The following RTN1 variants were observed in gnomAD, a reference collection of about 807,000 sequenced individuals.
The protein encoded by RTN1 is reticulon 1.
RTN1 carries 25 observed loss-of-function variants against 65.5 expected under a neutral mutation model. The ratio of observed to expected loss-of-function variants is 0.38; its 90% CI spans 0.28 to 0.53. RTN1 has a LOEUF of 0.53. Among genes scored for constraint, RTN1 ranks in the 20% least tolerant of loss-of-function variants. The pLI, the probability that RTN1 is intolerant of heterozygous loss-of-function variation, is 0.79. For missense variants in RTN1, 983 were observed against 1,025.4 expected (o/e 0.96, Z 0.57); for synonymous variants, 471 against 447.6 (o/e 1.05, Z -0.66).
chr14:59,603,940 A>G lies in RTN1; in HGVS notation c.2113-19T>C. Reference sequence around the variant, plus strand: ...CTGCAAACTGAAGAACGAAAGCATTATTAGAGCTCCTAAAACCCTTCCTGA... The same window carrying G: ...CTGCAAACTGAAGAACGAAAGCATTGTTAGAGCTCCTAAAACCCTTCCTGA... On this transcript the variant is annotated intron_variant, in intron 5 of 8. Coordinates refer to ENST00000267484, the MANE Select transcript of RTN1 (RefSeq NM_021136.3). 2 of 1,605,054 alleles carry G rather than the reference A, an allele frequency of 1.2e-6. No homozygotes were observed. Among genetic ancestry groups the G allele is most frequent in the East Asian group, 4.5e-5 (2 of 44,642 alleles).
intron 3 of RTN1, among the ~76,000 whole-genome samples, chr14:59,645,905 C>T (rs1882885756): frequency 6.6e-6 from 1 of 152,160 alleles, no homozygotes; most frequent in Non-Finnish European, 1.5e-5. Context: ...GTCAGATGAC[C>T]AGAGTGTCTT....
At chr14:59,673,743 C>T (rs969426785) in intron 3 of RTN1, among the ~76,000 whole-genome samples, 3 of 152,128 alleles carry the variant, frequency 2.0e-5, no homozygotes, top group African/African-American at 7.2e-5. Context: ...TCGCTCCAGT[C>T]GTGGACTCTA....
intron 2 of RTN1, among the ~76,000 whole-genome samples, chr14:59,743,157 C>T (rs1389303533): frequency 6.6e-6 from 1 of 152,198 alleles, no homozygotes; most frequent in African/African-American, 2.4e-5. Flanking sequence ...GGCAACCCAA[C>T]ATCGTAAAAC....
chr14:59,696,026 G>T (rs1402736626), intron 3 of RTN1, among the ~76,000 whole-genome samples: 2 of 151,584 alleles, frequency 1.3e-5, no homozygotes, highest in African/African-American at 2.4e-5. Flanking sequence ...ATGTTTTTAG[G>T]GCCCTCATTT....
intron 1 of RTN1, among the ~76,000 whole-genome samples, chr14:59,781,346 ATTGACTGTT>A (rs1332197730): frequency 2.6e-5 from 4 of 152,000 alleles, no homozygotes; most frequent in African/African-American, 9.7e-5. Flanking sequence ...AGTGTCAGTC[ATTGACTGTT>A]TATGTTCCAC....
chr14:59,835,686 G>C lies in RTN1; in HGVS notation c.241+34704C>G, dbSNP rs1248095310. On this transcript the variant is annotated intron_variant, in intron 1 of 8. Coordinates refer to ENST00000267484, the MANE Select transcript of RTN1 (RefSeq NM_021136.3). ...AATGAGACTTCTAACCATTGATTTT[G>C]GTTCTACCCCCTGAACCAACCAGAA... Among the ~76,000 whole-genome samples the C allele has an allele frequency of 3.9e-5, 6 of 151,968 alleles. No individual in the cohort carries two copies. In the East Asian group the frequency reaches 5.8e-4, roughly 15 times the overall value.
intron 1 of RTN1, among the ~76,000 whole-genome samples, chr14:59,814,891 A>G (rs567180617): frequency 3.9e-5 from 6 of 152,348 alleles, no homozygotes; most frequent in African/African-American, 1.2e-4. Flanking sequence ...ATTTTCTCAT[A>G]TATAATATTT....
chr14:59,654,800 T>C (rs1883090840), intron 3 of RTN1, among the ~76,000 whole-genome samples: 1 of 152,140 alleles, frequency 6.6e-6, no homozygotes, highest in Admixed American at 6.5e-5. Flanking sequence ...CTAAGAACAG[T>C]AGAAAACTTC....
At chr14:59,826,394 C>T (rs568040654) in intron 1 of RTN1, among the ~76,000 whole-genome samples, 208 of 152,322 alleles carry the variant, frequency 1.4e-3, no homozygotes, top group Non-Finnish European at 2.6e-3. Context: ...ACATTGTAAG[C>T]ACTCCATACC....
intron 1 of RTN1, among the ~76,000 whole-genome samples, chr14:59,841,872 A>AAT (rs1295255550): frequency 6.6e-6 from 1 of 152,184 alleles, no homozygotes; most frequent in Non-Finnish European, 1.5e-5. Context: ...TATGCCTATA[A>AAT]TCCCAGCATT....
At chr14:59,672,154 T>A (rs1883519257) in intron 3 of RTN1, among the ~76,000 whole-genome samples, 1 of 152,110 alleles carries the variant, frequency 6.6e-6, no homozygotes, top group Non-Finnish European at 1.5e-5. Flanking sequence ...CTTACTACTT[T>A]AGATGCCATT....
intron 8 of RTN1, among the ~76,000 whole-genome samples, chr14:59,599,896 G>A (rs962004532): frequency 6.6e-6 from 1 of 152,158 alleles, no homozygotes; most frequent in Admixed American, 6.5e-5. Context: ...CACCAAGAGA[G>A]CTTCTAGGTA....
intron 1 of RTN1, among the ~76,000 whole-genome samples, chr14:59,840,661 C>T (rs984915804): frequency 2.6e-5 from 4 of 152,194 alleles, no homozygotes; most frequent in Non-Finnish European, 4.4e-5. Context: ...ATTCTCCCAT[C>T]TCTCTTCTTT....
intron 3 of RTN1, among the ~76,000 whole-genome samples, chr14:59,635,438 A>G (rs1393473249): frequency 6.6e-6 from 1 of 152,238 alleles, no homozygotes; most frequent in East Asian, 1.9e-4. Flanking sequence ...CATGAAAAAA[A>G]TGCTGGACAT....
intron 3 of RTN1, among the ~76,000 whole-genome samples, chr14:59,654,853 T>C (rs530543041): frequency 6.6e-6 from 1 of 152,304 alleles, no homozygotes; most frequent in African/African-American, 2.4e-5. Flanking sequence ...TCATGGCAAT[T>C]ATGATATTTA....
At chr14:59,827,110 G>A (rs1296558597) in intron 1 of RTN1, among the ~76,000 whole-genome samples, 4 of 151,982 alleles carry the variant, frequency 2.6e-5, no homozygotes, top group Non-Finnish European at 5.9e-5. Flanking sequence ...ACAGAGTCTC[G>A]CTCTGTCACC....
intron 3 of RTN1, among the ~76,000 whole-genome samples, chr14:59,618,763 A>C (rs1882176026): frequency 6.6e-6 from 1 of 152,252 alleles, no homozygotes; most frequent in Non-Finnish European, 1.5e-5. Context: ...AAATTAGTTT[A>C]GGGAAATCTG....
chr14:59,861,816 A>G (rs1887715423), intron 1 of RTN1, among the ~76,000 whole-genome samples: 1 of 152,156 alleles, frequency 6.6e-6, no homozygotes, highest in South Asian at 2.1e-4. Flanking sequence ...TTGGATAAAA[A>G]TTCTTAATTT....
chr14:59,702,670 C>A (rs1284727104), intron 3 of RTN1, among the ~76,000 whole-genome samples: 1 of 152,190 alleles, frequency 6.6e-6, no homozygotes, highest in Admixed American at 6.5e-5. Context: ...CCTGTTCCAC[C>A]ACCATCTCCC....
Sources: allele counts gnomAD v4.1 joint callset (sites outside exome capture counted in the v4.1 genomes callset), GRCh38; gene constraint gnomAD v4.1.1; transcripts MANE v1.5; gene names NCBI Gene and HGNC (gene_info 2026-07-23, HGNC 2026-07-21).